PRKCB: variants seen among roughly 807,000 people sequenced by gnomAD.
PRKCB encodes protein kinase C beta, also known as protein kinase C beta type.
Under a neutral mutation model 81.5 loss-of-function variants are expected in PRKCB, and 13 were observed. The ratio of observed to expected loss-of-function variants is 0.16; its 90% CI spans 0.10 to 0.25. The LOEUF (loss-of-function observed/expected upper bound fraction) is 0.25. PRKCB is among the 10% of genes least tolerant of loss of function. The pLI, the probability that PRKCB is intolerant of heterozygous loss-of-function variation, is 1.00. For missense variants in PRKCB, 509 were observed against 875.7 expected, an observed-to-expected ratio of 0.58 and a Z score of 5.29; for synonymous variants, 335 against 321.4, an observed-to-expected ratio of 1.04 and a Z score of -0.45.
Position 23,877,438 on chromosome 16 carries a change from C to T in PRKCB, c.205+40032C>T, listed in dbSNP as rs1963033103. 1.3e-5 allele frequency among the ~76,000 whole-genome samples: 2 copies of T among 152,314 alleles called. 1 individual carries two copies. Among genetic ancestry groups the T allele is most frequent in the Admixed American group, 1.3e-4 (2 of 15,300 alleles). ...CTTCTGATTGTCCTGCCTTGAGTCA[C>T]ACGACCATCTCTGACTTGTTGACCC... is the stretch of plus-strand genomic sequence containing the variant. On this transcript the variant is annotated intron_variant, in intron 2 of 16. Transcript: ENST00000643927.
Position 23,899,640 on chromosome 16 carries a change from C to G in PRKCB, c.205+62234C>G, listed in dbSNP as rs1297854600. Among the ~76,000 whole-genome samples the G allele has an allele frequency of 1.4e-3, 23 of 16,484 alleles. 1 individual carries two copies. The highest frequency in any genetic ancestry group is 2.6e-3 in the African/African-American group (23 of 8,960). 10.8% of individuals were successfully genotyped at this position (16,484 alleles called of 152,430 possible). ...TCTCTCTCTCTCTCTCTCTCTCTCT[C>G]TCTCTGTGTGTGTGTGTGTGTGTGT... On this transcript the variant is annotated intron_variant, in intron 2 of 16. Transcript: ENST00000643927.
At chr16:23,860,805 G>A (rs938374006) in intron 2 of PRKCB, among the ~76,000 whole-genome samples, 2 of 152,108 alleles carry the variant, frequency 1.3e-5, no homozygotes, top group African/African-American at 4.8e-5. Context: ...TACTCGGGAG[G>A]CTGAGGCAGG....
At chr16:23,905,038 T>C (rs1481550893) in intron 2 of PRKCB, among the ~76,000 whole-genome samples, 4 of 123,418 alleles carry the variant, frequency 3.2e-5, no homozygotes, top group African/African-American at 1.3e-4. Context: ...GGTCCTTTTT[T>C]TTTCTTTTTT....
At chr16:24,100,618 T>G (rs1180276975) in intron 7 of PRKCB, among the ~76,000 whole-genome samples, 2 of 152,086 alleles carry the variant, frequency 1.3e-5, no homozygotes, top group African/African-American at 4.8e-5. Context: ...GAAACCCACC[T>G]CTCCCCACCA....
At chr16:23,883,426 G>A (rs1464342649) in intron 2 of PRKCB, among the ~76,000 whole-genome samples, 1 of 152,114 alleles carries the variant, frequency 6.6e-6, no homozygotes, top group Non-Finnish European at 1.5e-5. Context: ...GTGGGTGTGG[G>A]GCCAGATCAT....
At chr16:23,889,086 C>G (rs1421686391) in intron 2 of PRKCB, among the ~76,000 whole-genome samples, 3 of 151,966 alleles carry the variant, frequency 2.0e-5, no homozygotes, top group Non-Finnish European at 4.4e-5. Context: ...ACTAACCCAC[C>G]CACTCAGTCA....
chr16:23,926,423 G>T (rs997262292), intron 2 of PRKCB, among the ~76,000 whole-genome samples: 1 of 151,816 alleles, frequency 6.6e-6, no homozygotes, highest in Non-Finnish European at 1.5e-5. Flanking sequence ...GGTGGAGGTT[G>T]CAGTGAGCCG....
rs989971389 is a variant in PRKCB, at chr16:24,172,331, A to T, written c.1301A>T (p.Gln434Leu). ...NGGDLMYHIQQVGRFKEPHAV... is the reference protein window; with the variant it reads ...NGGDLMYHIQLVGRFKEPHAV... ...GGCGACCTCATGTATCACATCCAGC[A>T]AGTCGGCCGGTTCAAGGAGCCCCAT... is the stretch of plus-strand genomic sequence containing the variant. Residue 434 changes from glutamine (Q) to leucine (L), a missense_variant, in exon 11 of 17, where the codon CAA (glutamine) becomes CTA (leucine). Transcript: ENST00000643927. 6.2e-7 allele frequency: 1 copy of T among 1,613,836 alleles called. No individual in the cohort carries two copies. Among genetic ancestry groups the T allele is most frequent in the African/African-American group, 1.3e-5 (1 of 74,900 alleles).
chr16:24,160,415 T>A (rs1050619656), intron 10 of PRKCB, among the ~76,000 whole-genome samples: 6 of 152,152 alleles, frequency 3.9e-5, no homozygotes, highest in Admixed American at 2.6e-4. Flanking sequence ...CTGCTCATTT[T>A]CTAGCATTGC....
intron 5 of PRKCB, among the ~76,000 whole-genome samples, chr16:24,046,802 C>A (rs1210148605): frequency 6.6e-6 from 1 of 152,164 alleles, no homozygotes; most frequent in Non-Finnish European, 1.5e-5. Flanking sequence ...ATTTAGATCC[C>A]AGGAGTATCT....
intron 2 of PRKCB, among the ~76,000 whole-genome samples, chr16:23,905,054 TTTAA>T (rs1165618947): frequency 9.3e-5 from 2 of 21,434 alleles, no homozygotes; most frequent in Admixed American, 1.4e-3. Context: ...TTTTTTTTTT[TTTAA>T]TAAAAAAAAA....
chr16:23,978,444 G>C (rs146474947), intron 2 of PRKCB, among the ~76,000 whole-genome samples: 152 of 152,320 alleles, frequency 1.0e-3, no homozygotes, highest in African/African-American at 3.5e-3. Context: ...GTGTCCTGTG[G>C]AATGTGCCAT....
intron 12 of PRKCB, among the ~76,000 whole-genome samples, chr16:24,176,659 G>A (rs1036031732): frequency 6.6e-6 from 1 of 152,142 alleles, no homozygotes; most frequent in Admixed American, 6.5e-5. Flanking sequence ...TAGGGAGGCC[G>A]AGGCAGGCGG....
intron 2 of PRKCB, among the ~76,000 whole-genome samples, chr16:23,894,554 T>G (rs772198900): frequency 2.6e-5 from 4 of 152,200 alleles, no homozygotes; most frequent in African/African-American, 9.7e-5. Flanking sequence ...ACATGCTTTG[T>G]GAGGGAAGCT....
intron 7 of PRKCB, among the ~76,000 whole-genome samples, chr16:24,103,047 AT>A (rs1469641248): frequency 1.3e-5 from 2 of 152,054 alleles, no homozygotes; most frequent in African/African-American, 2.4e-5. Flanking sequence ...TAATTTTTGT[AT>A]TTTTAGTTGA....
At chr16:23,854,736 C>T (rs1174263552) in intron 2 of PRKCB, among the ~76,000 whole-genome samples, 1 of 150,262 alleles carries the variant, frequency 6.7e-6, no homozygotes, top group Non-Finnish European at 1.5e-5. Context: ...AGAGATGCCT[C>T]CTCTTGATGG....
intron 3 of PRKCB, among the ~76,000 whole-genome samples, chr16:24,018,123 T>G (rs554938408): frequency 6.6e-6 from 1 of 152,112 alleles, no homozygotes; most frequent in African/African-American, 2.4e-5. Context: ...ATGGTCTCGA[T>G]CTCCTGACCT....
chr16:24,059,181 T>A, intron 5 of PRKCB, among the ~76,000 whole-genome samples: 1 of 152,012 alleles, frequency 6.6e-6, no homozygotes, highest in Non-Finnish European at 1.5e-5. Context: ...AGAGATCCGA[T>A]TGGAAAAACA....
At chr16:23,868,748 A>G (rs1276940523) in intron 2 of PRKCB, among the ~76,000 whole-genome samples, 2 of 152,168 alleles carry the variant, frequency 1.3e-5, no homozygotes, top group Admixed American at 6.5e-5. Context: ...GGTGACATGA[A>G]TGGCTTGTGG....
Sources: allele counts gnomAD v4.1 joint callset (sites outside exome capture counted in the v4.1 genomes callset), GRCh38; gene constraint gnomAD v4.1.1; transcripts MANE v1.5; gene names NCBI Gene and HGNC (gene_info 2026-07-23, HGNC 2026-07-21).